The following PIP5K1C variants were observed in gnomAD, a reference collection of about 807,000 sequenced individuals.
PIP5K1C encodes phosphatidylinositol-4-phosphate 5-kinase type 1 gamma.
PIP5K1C carries 45 observed loss-of-function variants against 80.1 expected under a neutral mutation model. The ratio of observed to expected loss-of-function variants is 0.56; its 90% CI spans 0.44 to 0.72. PIP5K1C has a LOEUF of 0.72. PIP5K1C is among the 30% of genes least tolerant of loss of function. The pLI is 0.00. For synonymous variants in PIP5K1C, 498 were observed against 420.1 expected (o/e 1.19, Z -2.27); for missense variants, 753 against 954.6 (o/e 0.79, Z 2.78).
At chr19:3,656,205 G>A (rs539010849) in intron 6 of PIP5K1C, among the ~76,000 whole-genome samples, 200 bp downstream of exon 6, 1 of 152,330 alleles carries the variant, frequency 6.6e-6, no homozygotes, top group South Asian at 2.1e-4. Flanking sequence ...GGCCACAGGA[G>A]GAAGAGAGGG....
At chr19:3,633,209 G>A (rs752947360) in intron 17 of PIP5K1C, 40 bp from the exon 18 acceptor site, 2 of 753,978 alleles carry the variant, frequency 2.7e-6, no homozygotes, top group South Asian at 1.4e-5. Flanking sequence ...GGCGGGGCGA[G>A]GGCCCACCCC....
intron 1 of PIP5K1C, among the ~76,000 whole-genome samples, chr19:3,678,684 A>C: frequency 1.0e-5 from 1 of 99,918 alleles, no homozygotes. Flanking sequence ...GGCGAGATGG[A>C]GGGATGGCGA....
chr19:3,697,121 A>AGACGAAGGAGGACCGAGCCG (rs2036140580), intron 1 of PIP5K1C, among the ~76,000 whole-genome samples: 1 of 136,762 alleles, frequency 7.3e-6, no homozygotes, highest in African/African-American at 2.8e-5. Flanking sequence ...GGACCGAGCC[A>AGACGAAGGAGGACCGAGCCG]GACGAAGGAG....
At chr19:3,649,213 A>G (rs683698) in intron 8 of PIP5K1C, 8 of 506 alleles carry the variant, frequency 0.016, no homozygotes, top group Admixed American at 0.057. Context: ...ACCCGGCACC[A>G]TGCCCACACG....
chr19:3,694,396 CCA>C lies in PIP5K1C; in HGVS notation c.94+5899_94+5900del, dbSNP rs1168413101. 2.6e-5 allele frequency among the ~76,000 whole-genome samples: 4 copies of C among 152,228 alleles called. No individual in the cohort carries two copies. In the East Asian group the frequency reaches 7.8e-4, roughly 30 times the overall value. The stretch of plus-strand genomic sequence containing the variant: ...CTCACCCCACATCGGCACACACCTG[CCA>C]CAGTGCCTGGGCTCCCAGTCCTGCT... On this transcript the variant is annotated intron_variant, in intron 1 of 17. Transcript: ENST00000335312.
At chr19:3,691,805 G>A (rs2035959194) in intron 1 of PIP5K1C, among the ~76,000 whole-genome samples, 1 of 152,218 alleles carries the variant, frequency 6.6e-6, no homozygotes, top group Non-Finnish European at 1.5e-5. Flanking sequence ...CCTGGGATCT[G>A]AGAGATCGGG....
In PIP5K1C at chr19:3,653,700, CCT is replaced by C. The variant is rs568452462; in HGVS notation, c.622-113_622-112del. On this transcript the variant is annotated intron_variant, in intron 6 of 17. Transcript: ENST00000335312. ...CTCATGGATGCCCCTGGCCAGCCCC[CCT>C]CTCTCCCCAGAAGCCCTCGGGGACC... 74 of 1,029,272 alleles carry C rather than the reference CCT, an allele frequency of 7.2e-5. No individual in the cohort carries two copies. In the African/African-American group the frequency reaches 9.8e-4, roughly 14 times the overall value. 63.8% of individuals were successfully genotyped at this position (1,029,272 alleles called of 1,614,324 possible).
chr19:3,643,010 C>T, intron 13 of PIP5K1C, 71 bp from the exon 14 acceptor site: 15 of 1,573,702 alleles, frequency 9.5e-6, no homozygotes, highest in Non-Finnish European at 1.2e-5. Flanking sequence ...CCTGCCTTGC[C>T]TACCCGCCTG....
At chr19:3,678,317 G>GAGGGACGGAGGGATGC (rs376708774) in intron 1 of PIP5K1C, among the ~76,000 whole-genome samples, 7,307 of 115,590 alleles carry the variant, frequency 0.063, 488 homozygotes, top group Non-Finnish European at 0.084. Context: ...CGGAGGGATG[G>GAGGGACGGAGGGATGC]AGGGACGGAG....
chr19:3,642,281 C>T (rs924460199), intron 14 of PIP5K1C, among the ~76,000 whole-genome samples: 6 of 152,240 alleles, frequency 3.9e-5, no homozygotes, highest in East Asian at 1.9e-4. Context: ...AAAGCAACAC[C>T]GCGCCACTGC....
intron 6 of PIP5K1C, among the ~76,000 whole-genome samples, chr19:3,655,126 A>AC (rs1411782641): frequency 7.0e-6 from 1 of 142,720 alleles, no homozygotes. Flanking sequence ...AAAAAAAAAA[A>AC]AAAATGAAGA....
intron 2 of PIP5K1C, among the ~76,000 whole-genome samples, chr19:3,665,295 G>C (rs1429573986): frequency 6.6e-6 from 1 of 152,204 alleles, no homozygotes; most frequent in Non-Finnish European, 1.5e-5. Flanking sequence ...GCAGGGTGCT[G>C]AGCAGCATTC....
At chr19:3,661,811 C>T (rs540394189) in intron 4 of PIP5K1C, 60 bp downstream of exon 4, 2 of 1,600,070 alleles carry the variant, frequency 1.2e-6, no homozygotes, top group African/African-American at 1.3e-5. Context: ...GGACAGGCCA[C>T]TCCGCCTCAG....
chr19:3,667,807 C>T (rs970339968), intron 1 of PIP5K1C, among the ~76,000 whole-genome samples: 1 of 152,242 alleles, frequency 6.6e-6, no homozygotes, highest in African/African-American at 2.4e-5. Context: ...CCCGCTTCCT[C>T]GGAGGCAGGC....
chr19:3,654,775 T>C (rs895592373), intron 6 of PIP5K1C, among the ~76,000 whole-genome samples: 4 of 148,760 alleles, frequency 2.7e-5, no homozygotes, highest in East Asian at 2.0e-4. Context: ...GATTGTGCCA[T>C]TGCATTCCAG....
intron 1 of PIP5K1C, among the ~76,000 whole-genome samples, chr19:3,683,068 A>G (rs2035638618): frequency 6.7e-6 from 1 of 150,020 alleles, no homozygotes; most frequent in South Asian, 2.1e-4. Flanking sequence ...CTCCCACCCA[A>G]CCTTGTTCAG....
At position 3,689,482 on chromosome 19, in the gene PIP5K1C, C is replaced by G. The variant is rs1402398762; in HGVS notation, c.94+10815G>C. The stretch of plus-strand genomic sequence containing the variant: ...TGGCCAACATGGTGAAACCCTGTCT[C>G]TACTAAAAATACAAAAATTAGCCGG... On this transcript the variant is annotated intron_variant, in intron 1 of 17. Coordinates refer to ENST00000335312, the MANE Select transcript of PIP5K1C (RefSeq NM_012398.3). Among the ~76,000 whole-genome samples the G allele has an allele frequency of 2.0e-5, 3 of 151,966 alleles. No individual in the cohort carries two copies. The East Asian group carries it at 5.8e-4, about 29-fold the overall frequency.
intron 5 of PIP5K1C, among the ~76,000 whole-genome samples, chr19:3,660,258 T>A (rs545822190): frequency 6.7e-4 from 102 of 152,062 alleles, no homozygotes; most frequent in Non-Finnish European, 1.3e-3. Context: ...CAGGCACCTG[T>A]AGTCCCAGCT....
At position 3,632,334 on chromosome 19, in the gene PIP5K1C, C is replaced by T. The variant is rs1044032218; in HGVS notation, c.*833G>A. On this transcript the variant is annotated 3_prime_UTR_variant, in exon 18 of 18. Coordinates refer to ENST00000335312, the MANE Select transcript of PIP5K1C (RefSeq NM_012398.3). Reference sequence around the variant, plus strand: ...TGTCCTGCCATGGAGAAAACGTCTCCGTTGCCTGGGCCCTCCATGCCAGTT... The same window carrying T: ...TGTCCTGCCATGGAGAAAACGTCTCTGTTGCCTGGGCCCTCCATGCCAGTT... 6.6e-5 allele frequency: 10 copies of T among 152,324 alleles called. No individual in the cohort carries two copies. The highest frequency in any genetic ancestry group is 2.1e-4 in the South Asian group (1 of 4,834). The allele number at this position is 152,324 out of a possible 1,614,324, so 9.4% of individuals were successfully genotyped here. A position where few individuals can be genotyped will look rare whatever the true frequency, so the allele number is the denominator to read the frequency against.
Sources: gnomAD v4.1 joint callset for allele counts (sites outside exome capture counted in the v4.1 genomes callset) on GRCh38, gnomAD v4.1.1 for gene constraint, MANE v1.5 for transcripts, NCBI Gene and HGNC (gene_info 2026-07-23, HGNC 2026-07-21) for gene names.